CHD9: variants seen among roughly 807,000 people sequenced by gnomAD.
CHD9 encodes the protein ATP-dependent chromatin remodeler CHD9.
Under a neutral mutation model 316.1 loss-of-function variants are expected in CHD9, and 77 were observed. The observed-to-expected ratio is 0.24, with a 90% confidence interval of 0.20 to 0.29. The LOEUF (loss-of-function observed/expected upper bound fraction) is 0.29, where lower values mean the gene tolerates loss of function less well. Among genes scored for constraint, CHD9 ranks in the 10% least tolerant of loss-of-function variants. The probability of loss-of-function intolerance (pLI) is 1.00; values close to 1 mark genes in which losing one functional copy is unlikely to be tolerated. For missense variants in CHD9, 2,763 were observed against 3,438.1 expected, an observed-to-expected ratio of 0.80 and a Z score of 4.91; for synonymous variants, 1,129 against 1,158.3, an observed-to-expected ratio of 0.97 and a Z score of 0.51.
intron 1 of CHD9, among the ~76,000 whole-genome samples, chr16:53,117,602 G>C (rs567188012): frequency 2.6e-4 from 39 of 151,774 alleles, no homozygotes; most frequent in Non-Finnish European, 5.0e-4. Context: ...TTTTAGTAGA[G>C]AAGGGGTTTC....
chr16:53,143,188 A>T (rs183880985), intron 1 of CHD9, among the ~76,000 whole-genome samples: 73 of 152,196 alleles, frequency 4.8e-4, no homozygotes, highest in Non-Finnish European at 2.1e-4. Flanking sequence ...ACATATTCAA[A>T]CTATAGCAAG....
At chr16:53,166,126 C>G (rs1285245624) in intron 2 of CHD9, among the ~76,000 whole-genome samples, 1 of 152,038 alleles carries the variant, frequency 6.6e-6, no homozygotes, top group Non-Finnish European at 1.5e-5. Context: ...GTCAGATCTT[C>G]TGTATTAAAA....
intron 12 of CHD9, among the ~76,000 whole-genome samples, chr16:53,241,821 G>T (rs539008660): frequency 9.2e-5 from 14 of 152,250 alleles, no homozygotes; most frequent in South Asian, 4.1e-4. Context: ...GGCCTCTCCA[G>T]ACAGGTTTCA....
Position 53,238,548 on chromosome 16 carries a change from A to G in CHD9, c.2839A>G (p.Met947Val). ...VYHGSLISRQMIQQYEMYFRD... is the reference protein window; with the variant it reads ...VYHGSLISRQVIQQYEMYFRD... Reference sequence around the variant, plus strand: ...TCATGGGAGCCTGATTAGCAGACAAATGATACAGCAATACGAGATGTACTT... The same window carrying G: ...TCATGGGAGCCTGATTAGCAGACAAGTGATACAGCAATACGAGATGTACTT... The change falls in exon 12 of 39, where the codon ATG becomes GTG. Residue 947 changes from methionine to valine, a missense_variant. Physicochemically the swap from Met to Val is conservative, Grantham distance 21 (BLOSUM62 1). Coordinates refer to ENST00000447540, the MANE Select transcript of CHD9 (RefSeq NM_001308319.2). The G allele has an allele frequency of 6.2e-7, 1 of 1,613,344 alleles. No individual in the cohort carries two copies. The highest frequency in any genetic ancestry group is 8.5e-7 in the Non-Finnish European group (1 of 1,179,440).
chr16:53,208,493 C>T, intron 2 of CHD9: 2 of 1,149,230 alleles, frequency 1.7e-6, no homozygotes, highest in South Asian at 3.6e-5. Context: ...TTCCTCGAGT[C>T]TTGGTTATTT....
intron 30 of CHD9, among the ~76,000 whole-genome samples, chr16:53,301,804 C>T (rs1457514136): frequency 2.2e-5 from 3 of 138,946 alleles, no homozygotes; most frequent in South Asian, 4.5e-4. Context: ...CTCGCTCTGT[C>T]GCCCAGGCTG....
chr16:53,218,192 A>G (rs2046942227), intron 3 of CHD9, among the ~76,000 whole-genome samples: 1 of 152,152 alleles, frequency 6.6e-6, no homozygotes, highest in East Asian at 1.9e-4. Context: ...TCTGAAAACG[A>G]TTTTTGCATG....
At chr16:53,113,916 C>T (rs146664353) in intron 1 of CHD9, among the ~76,000 whole-genome samples, 1 of 152,096 alleles carries the variant, frequency 6.6e-6, no homozygotes, top group East Asian at 1.9e-4. Context: ...ATTTGTTGCA[C>T]AGGCTGGTCT....
At chr16:53,130,559 G>A (rs999935521) in intron 1 of CHD9, among the ~76,000 whole-genome samples, 5 of 149,984 alleles carry the variant, frequency 3.3e-5, no homozygotes, top group African/African-American at 9.7e-5. Context: ...TGCCGGGGGA[G>A]CCCGGACCAC....
intron 1 of CHD9, among the ~76,000 whole-genome samples, chr16:53,149,786 C>T (rs575022998): frequency 1.5e-5 from 2 of 129,550 alleles, no homozygotes; most frequent in South Asian, 5.7e-4. Context: ...TCTTGAACTC[C>T]TGGCCTCAAG....
chr16:53,304,611 A>C lies in CHD9; in HGVS notation c.6605A>C (p.Glu2202Ala), dbSNP rs751765379. The C allele has an allele frequency of 5.8e-6, 9 of 1,548,010 alleles. No individual in the cohort carries two copies. Among genetic ancestry groups the C allele is most frequent in the Admixed American group, 2.0e-5 (1 of 50,686 alleles). The change falls in exon 31 of 39, where the codon GAA becomes GCA. Residue 2202 changes from glutamate (E) to alanine (A), a missense_variant. Transcript: ENST00000447540. ...SSEESDSDEE[E>A]AQKRESTTHM... ...GAAGAAAGTGACAGTGATGAAGAAG[A>C]AGCCCAAAAACGAGGTACTATGCAT...
chr16:53,314,879 C>G lies in CHD9; in HGVS notation c.7419C>G (p.Ser2473=), dbSNP rs149056921. The part of the protein sequence containing the change: ...QISTGINPAL[S]YTQPQGIPDT... ...CCACAGGGATAAATCCAGCACTATC[C>G]TATACTCAACCTCAAGGAATTCCTG... Residue 2473 remains serine, a synonymous_variant, in exon 36 of 39, where the codon TCC becomes TCG. Coordinates refer to ENST00000447540, the MANE Select transcript of CHD9 (RefSeq NM_001308319.2). 1,615 of 1,613,764 alleles carry G rather than the reference C, an allele frequency of 1.0e-3. 8 individuals carry two copies. In the African/African-American group the frequency reaches 0.016, roughly 16 times the overall value.
intron 24 of CHD9, among the ~76,000 whole-genome samples, chr16:53,282,600 C>T (rs2053510650): frequency 6.6e-6 from 1 of 152,128 alleles, no homozygotes; most frequent in African/African-American, 2.4e-5. Flanking sequence ...GAATGAGACA[C>T]TGTCTCAAAA....
At chr16:53,228,399 A>G (rs1441837580) in intron 7 of CHD9, among the ~76,000 whole-genome samples, 2 of 152,040 alleles carry the variant, frequency 1.3e-5, no homozygotes, top group Non-Finnish European at 1.5e-5. Context: ...GACGCACACA[A>G]TGAGATGATT....
chr16:53,296,236 T>C (rs117687431), intron 29 of CHD9, among the ~76,000 whole-genome samples: 1 of 152,198 alleles, frequency 6.6e-6, no homozygotes, highest in Admixed American at 6.5e-5. Flanking sequence ...TACCTTATAC[T>C]ATAAATGTGT....
At chr16:53,252,119 T>C (rs941512660) in intron 17 of CHD9, among the ~76,000 whole-genome samples, 7 of 151,846 alleles carry the variant, frequency 4.6e-5, no homozygotes, top group African/African-American at 1.7e-4. Flanking sequence ...AAAGAACAAA[T>C]CTGAAGGCAT....
At chr16:53,146,437 A>ATATATATATATATAT (rs58622741) in intron 1 of CHD9, among the ~76,000 whole-genome samples, 19 of 129,648 alleles carry the variant, frequency 1.5e-4, no homozygotes, top group African/African-American at 1.9e-4. Flanking sequence ...ATATATATAT[A>ATATATATATATATAT]ATTAAAAAGT....
chr16:53,074,381 C>T lies in CHD9; in HGVS notation c.-165+19304C>T, dbSNP rs946968759. On this transcript the variant is annotated intron_variant, in intron 1 of 38. Coordinates refer to ENST00000447540, the MANE Select transcript of CHD9 (RefSeq NM_001308319.2). ...AAGCAAATCCCATTTTCTGAGGAGA[C>T]ATTCAAGCAGGCTGCAAAAATTTGC... 5.3e-5 allele frequency among the ~76,000 whole-genome samples: 8 copies of T among 152,208 alleles called. 1 individual carries two copies. The highest frequency in any genetic ancestry group is 5.2e-4 in the Admixed American group (8 of 15,280).
chr16:53,091,522 G>A (rs918419760), intron 1 of CHD9, among the ~76,000 whole-genome samples: 3 of 152,208 alleles, frequency 2.0e-5, no homozygotes, highest in African/African-American at 7.2e-5. Context: ...GGAGGCGAAC[G>A]CCGTCTCCTT....
Sources: allele counts gnomAD v4.1 joint callset (sites outside exome capture counted in the v4.1 genomes callset), GRCh38; gene constraint gnomAD v4.1.1; transcripts MANE v1.5; gene names NCBI Gene and HGNC (gene_info 2026-07-23, HGNC 2026-07-21).